Variants in SEMA5A observed in about 807,000 individuals in gnomAD.
The protein encoded by SEMA5A is semaphorin 5A.
In SEMA5A, 55 loss-of-function variants were observed where a neutral mutation model predicts 135.5. The observed-to-expected ratio is 0.41, with a 90% CI of 0.33 to 0.51. The LOEUF is 0.51. Among genes scored for constraint, SEMA5A ranks in the 20% least tolerant of loss-of-function variants. The probability of loss-of-function intolerance (pLI) is 0.37; values close to 1 mark genes in which losing one functional copy is unlikely to be tolerated. For missense variants in SEMA5A, 1,290 were observed against 1,419.9 expected (o/e 0.91, Z 1.47); for synonymous variants, 580 against 546.5 (o/e 1.06, Z -0.85).
chr5:9,068,670 T>C (rs1737605453), intron 16 of SEMA5A, among the ~76,000 whole-genome samples: 3 of 152,132 alleles, frequency 2.0e-5, no homozygotes, highest in Admixed American at 1.3e-4. Context: ...TAAACAGAAG[T>C]CACCCAATGT....
chr5:9,488,501 C>T (rs1253892067), intron 1 of SEMA5A, among the ~76,000 whole-genome samples: 1 of 152,136 alleles, frequency 6.6e-6, no homozygotes, highest in Non-Finnish European at 1.5e-5. Context: ...CTATTATCAG[C>T]CTGAAAGCAT....
intron 1 of SEMA5A, among the ~76,000 whole-genome samples, chr5:9,481,936 C>G (rs1683851679): frequency 6.6e-6 from 1 of 152,182 alleles, no homozygotes; most frequent in Admixed American, 6.5e-5. Context: ...AGTCAGATCC[C>G]CAATGAGAGC....
Position 9,039,813 on chromosome 5 carries a change from A to C in SEMA5A, c.*3084T>G, listed in dbSNP as rs1735862262. ...AAAACCCCAGTTTCACCAAAGCTAC[A>C]TGTCCCTGGAGCTACAGGAAGCCCA... On this transcript the variant is annotated 3_prime_UTR_variant, in exon 23 of 23. Transcript: ENST00000382496. 1 of 152,218 alleles carries C rather than the reference A, an allele frequency of 6.6e-6. No individual in the cohort carries two copies. The highest frequency in any genetic ancestry group is 2.1e-4 in the South Asian group (1 of 4,826). The allele number at this position is 152,218 out of a possible 1,614,324, so 9.4% of individuals were successfully genotyped here.
chr5:9,230,850 G>A (rs2150433850), intron 6 of SEMA5A, among the ~76,000 whole-genome samples: 1 of 152,270 alleles, frequency 6.6e-6, no homozygotes, highest in East Asian at 1.9e-4. Flanking sequence ...TCCTACAGGA[G>A]CAACGAGTGG....
intron 16 of SEMA5A, among the ~76,000 whole-genome samples, chr5:9,092,103 C>T (rs1739066479): frequency 6.6e-6 from 1 of 152,176 alleles, no homozygotes; most frequent in Admixed American, 6.5e-5. Context: ...TCAAGCTCAG[C>T]AAGTCAACCA....
chr5:9,226,826 C>T (rs1747337355), intron 7 of SEMA5A, 43 bp downstream of exon 7: 1 of 1,473,060 alleles, frequency 6.8e-7, no homozygotes, highest in Non-Finnish European at 9.5e-7. Flanking sequence ...TGTTTTGCCT[C>T]TTCTGATATT....
chr5:9,169,317 AC>A (rs1743785350), intron 11 of SEMA5A, among the ~76,000 whole-genome samples: 1 of 152,082 alleles, frequency 6.6e-6, no homozygotes, highest in South Asian at 2.1e-4. Context: ...TTTTTTAAAA[AC>A]CCATAATAAC....
chr5:9,519,819 A>G (rs1403469904), intron 1 of SEMA5A: 3 of 152,146 alleles, frequency 2.0e-5, no homozygotes, highest in African/African-American at 4.8e-5. Flanking sequence ...GCTTTCTCTT[A>G]CCTCATCAGC....
intron 2 of SEMA5A, among the ~76,000 whole-genome samples, chr5:9,403,416 C>G (rs1184869247): frequency 6.6e-6 from 1 of 152,104 alleles, no homozygotes; most frequent in Non-Finnish European, 1.5e-5. Flanking sequence ...CCAGCTCCTC[C>G]ACTAGGCACC....
chr5:9,333,014 CTTTGA>C (rs1561156977), intron 4 of SEMA5A, among the ~76,000 whole-genome samples: 2 of 152,134 alleles, frequency 1.3e-5, no homozygotes, highest in Non-Finnish European at 2.9e-5. Flanking sequence ...AGACTGTACC[CTTTGA>C]TTTATGTTTA....
chr5:9,036,423 T>C lies in SEMA5A; in HGVS notation c.*6474A>G, dbSNP rs1417510604. The C allele has an allele frequency of 6.6e-6, 1 of 150,774 alleles. No homozygotes were observed. Among genetic ancestry groups the C allele is most frequent in the African/African-American group, 2.4e-5 (1 of 40,856 alleles). The allele number at this position is 150,774 out of a possible 1,614,324, so 9.3% of individuals were successfully genotyped here. Reference sequence around the variant, plus strand: ...TCTCATTCCATGCTCACTGTATCTATACCAGTTGTCACCAGCCTGTGTCTG... The same window carrying C: ...TCTCATTCCATGCTCACTGTATCTACACCAGTTGTCACCAGCCTGTGTCTG... On this transcript the variant is annotated 3_prime_UTR_variant, in exon 23 of 23. Transcript: ENST00000382496.
At chr5:9,059,781 C>T (rs1268093538) in intron 18 of SEMA5A, among the ~76,000 whole-genome samples, 1 of 152,138 alleles carries the variant, frequency 6.6e-6, no homozygotes, top group African/African-American at 2.4e-5. Flanking sequence ...AACTCCTGAC[C>T]ACAAGTGATC....
intron 10 of SEMA5A, among the ~76,000 whole-genome samples, chr5:9,194,568 A>C (rs1336453549): frequency 6.6e-6 from 1 of 152,216 alleles, no homozygotes; most frequent in Non-Finnish European, 1.5e-5. Context: ...TGGTTTCATG[A>C]ATGTCTGTGA....
At chr5:9,400,500 C>CTTTTTTTTTTTTTT (rs1176889691) in intron 2 of SEMA5A, among the ~76,000 whole-genome samples, 2 of 85,414 alleles carry the variant, frequency 2.3e-5, no homozygotes, top group African/African-American at 9.7e-5. Flanking sequence ...ACACAATGTA[C>CTTTTTTTTTTTTTT]ATTTTTTTTT....
intron 3 of SEMA5A, among the ~76,000 whole-genome samples, chr5:9,360,113 T>G (rs1425935686): frequency 6.6e-6 from 1 of 152,232 alleles, no homozygotes; most frequent in Non-Finnish European, 1.5e-5. Flanking sequence ...AATGAACTAC[T>G]CACTAGATGA....
chr5:9,407,819 G>A (rs527297161), intron 2 of SEMA5A, among the ~76,000 whole-genome samples: 7 of 152,178 alleles, frequency 4.6e-5, no homozygotes, highest in South Asian at 2.1e-4. Context: ...AGTACCTAGC[G>A]CAAAAGTCAC....
rs1735769003 is a variant in SEMA5A, at chr5:9,038,414, A to G, written c.*4483T>C. On this transcript the variant is annotated 3_prime_UTR_variant, in exon 23 of 23. Coordinates refer to ENST00000382496, the MANE Select transcript of SEMA5A (RefSeq NM_003966.3). ...GGAGTTACCCCCAATGACACACACA[A>G]GAAAACCCCATTGAAGTGTAAAGGA... 6.6e-6 allele frequency: 1 copy of G among 152,210 alleles called. No individual in the cohort carries two copies. The highest frequency in any genetic ancestry group is 2.1e-4 in the South Asian group (1 of 4,828). 9.4% of individuals were successfully genotyped at this position (152,210 alleles called of 1,614,324 possible). A position where few individuals can be genotyped will look rare whatever the true frequency, so the allele number is the denominator to read the frequency against.
intron 18 of SEMA5A, among the ~76,000 whole-genome samples, chr5:9,054,570 G>C (rs1736784298): frequency 6.6e-6 from 1 of 152,146 alleles, no homozygotes. Context: ...CATGACAGCA[G>C]AGTGCACGAG....
At chr5:9,206,181 C>CA (rs1746003723) in intron 8 of SEMA5A, among the ~76,000 whole-genome samples, 1 of 152,040 alleles carries the variant, frequency 6.6e-6, no homozygotes, top group Admixed American at 6.6e-5. Flanking sequence ...GATAGGAGTG[C>CA]ATGAAAGAGA....
Sources: gnomAD v4.1 joint callset for allele counts (sites outside exome capture counted in the v4.1 genomes callset) on GRCh38, gnomAD v4.1.1 for gene constraint, MANE v1.5 for transcripts, NCBI Gene and HGNC (gene_info 2026-07-23, HGNC 2026-07-21) for gene names.